Variants in KCNMB2 observed in about 807,000 individuals in gnomAD.
The protein encoded by KCNMB2 is calcium-activated potassium channel subunit beta-2.
KCNMB2 carries 9 observed loss-of-function variants against 24.5 expected under a neutral mutation model. That is an observed-to-expected ratio of 0.37 (90% CI 0.22 to 0.64). The LOEUF (loss-of-function observed/expected upper bound fraction) is 0.64, where lower values mean the gene tolerates loss of function less well. KCNMB2 is among the 30% of genes least tolerant of loss of function. The pLI, the probability that KCNMB2 is intolerant of heterozygous loss-of-function variation, is 0.63. For synonymous variants in KCNMB2, 109 were observed against 104.4 expected (o/e 1.04, Z -0.27); for missense variants, 226 against 284.3 (o/e 0.79, Z 1.47).
At chr3:178,739,100 C>G (rs1390760487) in intron 1 of KCNMB2, among the ~76,000 whole-genome samples, 2 of 121,940 alleles carry the variant, frequency 1.6e-5, no homozygotes, top group Non-Finnish European at 3.4e-5. Context: ...CCCTAAATAA[C>G]AGAAAAAAAA....
At chr3:178,728,170 T>C (rs1294514224) in intron 1 of KCNMB2, among the ~76,000 whole-genome samples, 1 of 152,178 alleles carries the variant, frequency 6.6e-6, no homozygotes. Context: ...ATATTGCCTT[T>C]TCATTCCAAT....
intron 1 of KCNMB2, among the ~76,000 whole-genome samples, chr3:178,585,392 C>A (rs1266053457): frequency 6.6e-6 from 1 of 152,162 alleles, no homozygotes; most frequent in Non-Finnish European, 1.5e-5. Flanking sequence ...TTATATTAAC[C>A]ATCCCTTTCA....
At chr3:178,823,198 C>G (rs1466906728) in intron 2 of KCNMB2, among the ~76,000 whole-genome samples, 1 of 152,114 alleles carries the variant, frequency 6.6e-6, no homozygotes, top group Non-Finnish European at 1.5e-5. Context: ...CAAACAAAAT[C>G]TCAAAAAAGA....
At chr3:178,564,678 G>A (rs1255482047) in intron 1 of KCNMB2, among the ~76,000 whole-genome samples, 1 of 152,154 alleles carries the variant, frequency 6.6e-6, no homozygotes, top group Non-Finnish European at 1.5e-5. Flanking sequence ...CTAGAGCTCA[G>A]TTTAAAAAAC....
At chr3:178,782,917 G>A (rs1404336830) in intron 1 of KCNMB2, among the ~76,000 whole-genome samples, 1 of 151,210 alleles carries the variant, frequency 6.6e-6, no homozygotes, top group African/African-American at 2.4e-5. Flanking sequence ...GGGTTTTTAT[G>A]GTTTTAGGTC....
intron 2 of KCNMB2, among the ~76,000 whole-genome samples, chr3:178,815,767 T>C (rs558859774): frequency 6.6e-6 from 1 of 152,166 alleles, no homozygotes; most frequent in South Asian, 2.1e-4. Context: ...AATATGTTTA[T>C]CTACATTTAT....
chr3:178,668,286 G>A (rs532407771), intron 1 of KCNMB2, among the ~76,000 whole-genome samples: 4 of 152,242 alleles, frequency 2.6e-5, no homozygotes, highest in Admixed American at 6.5e-5. Context: ...TTTGCTCAGA[G>A]GGTCCAAGGC....
rs368958558 is a variant in KCNMB2, at chr3:178,611,962, T to G, written c.-68+75251T>G. ...TTGGCATGCTGTGTTTCCGTTATTA[T>G]TTGTTTAAGAAATTTTTCAACTTCC... On this transcript the variant is annotated intron_variant, in intron 1 of 4. Transcript: ENST00000452583. Among the ~76,000 whole-genome samples the G allele has an allele frequency of 3.0e-4, 45 of 152,264 alleles. No individual in the cohort carries two copies. The East Asian group carries it at 5.2e-3, about 18-fold the overall frequency.
intron 1 of KCNMB2, among the ~76,000 whole-genome samples, chr3:178,695,491 G>A (rs1185525773): frequency 2.0e-5 from 3 of 151,994 alleles, no homozygotes; most frequent in Non-Finnish European, 4.4e-5. Context: ...AAACTTTTAT[G>A]CTCTATCAAC....
rs1577046193 is a variant in KCNMB2, at chr3:178,609,578, T to A, written c.-68+72867T>A. Among the ~76,000 whole-genome samples the A allele has an allele frequency of 2.0e-5, 3 of 152,262 alleles. No homozygotes were observed. In the East Asian group the frequency reaches 5.8e-4, roughly 29 times the overall value. On this transcript the variant is annotated intron_variant, in intron 1 of 4. Coordinates refer to ENST00000452583, the MANE Select transcript of KCNMB2 (RefSeq NM_181361.3). ...CCAGATAAATGTCCTGGAAATTTTC[T>A]CCAATGTTTACTTGTAGTCATTTCA...
At chr3:178,754,191 C>CACATAT (rs1418868783) in intron 1 of KCNMB2, among the ~76,000 whole-genome samples, 3 of 68,090 alleles carry the variant, frequency 4.4e-5, no homozygotes, top group African/African-American at 2.6e-4. Flanking sequence ...CACACACACA[C>CACATAT]ATACATATAT....
intron 1 of KCNMB2, among the ~76,000 whole-genome samples, chr3:178,567,700 T>C (rs1716577511): frequency 6.6e-6 from 1 of 152,174 alleles, no homozygotes; most frequent in Non-Finnish European, 1.5e-5. Flanking sequence ...ACAAATAGTT[T>C]AGACTATTTG....
intron 1 of KCNMB2, among the ~76,000 whole-genome samples, chr3:178,794,884 T>G (rs1713474934): frequency 6.6e-6 from 1 of 152,146 alleles, no homozygotes; most frequent in Non-Finnish European, 1.5e-5. Flanking sequence ...AGGCCACATC[T>G]GCTTGCATCC....
chr3:178,577,050 A>T (rs902969252), intron 1 of KCNMB2, among the ~76,000 whole-genome samples: 21 of 152,098 alleles, frequency 1.4e-4, no homozygotes, highest in African/African-American at 5.1e-4. Context: ...CCTGACTGGG[A>T]GACACCTCCC....
At chr3:178,678,868 A>G (rs2108591601) in intron 1 of KCNMB2, among the ~76,000 whole-genome samples, 1 of 152,316 alleles carries the variant, frequency 6.6e-6, no homozygotes, top group African/African-American at 2.4e-5. Context: ...ACCGGGCTCA[A>G]TGTAAAAGAG....
At chr3:178,592,133 C>T (rs1415446959) in intron 1 of KCNMB2, among the ~76,000 whole-genome samples, 2 of 152,066 alleles carry the variant, frequency 1.3e-5, no homozygotes, top group African/African-American at 4.8e-5. Context: ...GGATTTTCTT[C>T]TTTGCTATTA....
At chr3:178,612,749 A>T (rs1020443776) in intron 1 of KCNMB2, among the ~76,000 whole-genome samples, 2 of 152,092 alleles carry the variant, frequency 1.3e-5, no homozygotes, top group African/African-American at 4.8e-5. Flanking sequence ...ATTATTATTG[A>T]TAAGTAAGGA....
chr3:178,578,964 A>T (rs569757159), intron 1 of KCNMB2, among the ~76,000 whole-genome samples: 1 of 152,316 alleles, frequency 6.6e-6, no homozygotes, highest in South Asian at 2.1e-4. Context: ...AGACAGATCA[A>T]TGAGATGGGA....
chr3:178,812,303 T>C (rs1714223796), intron 2 of KCNMB2, among the ~76,000 whole-genome samples: 3 of 151,986 alleles, frequency 2.0e-5, no homozygotes, highest in South Asian at 4.2e-4. Flanking sequence ...TTGTTACATA[T>C]GTATACAGGT....
Sources: gnomAD v4.1 joint callset for allele counts (sites outside exome capture counted in the v4.1 genomes callset) on GRCh38, gnomAD v4.1.1 for gene constraint, MANE v1.5 for transcripts, NCBI Gene and HGNC (gene_info 2026-07-23, HGNC 2026-07-21) for gene names.